Variants in ADAP1 observed in about 807,000 individuals in gnomAD.
The protein encoded by ADAP1 is arf-GAP with dual PH domain-containing protein 1.
ADAP1 carries 31 observed loss-of-function variants against 54.9 expected under a neutral mutation model. The observed-to-expected ratio is 0.56, with a 90% CI of 0.42 to 0.76. The LOEUF (loss-of-function observed/expected upper bound fraction) is 0.76, where lower values mean the gene tolerates loss of function less well. Ranked by LOEUF, ADAP1 falls within the 30% of genes least tolerant of loss-of-function variation. ADAP1 has a pLI of 0.00. For synonymous variants in ADAP1, 313 were observed against 202.6 expected, an observed-to-expected ratio of 1.55 and a Z score of -4.63; for missense variants, 535 against 512.4, an observed-to-expected ratio of 1.04 and a Z score of -0.42.
intron 3 of ADAP1, among the ~76,000 whole-genome samples, chr7:923,811 C>A (rs1846273468): frequency 6.6e-6 from 1 of 152,210 alleles, no homozygotes; most frequent in Non-Finnish European, 1.5e-5. Context: ...CAGAGCTTTC[C>A]CCTGAAGACC....
chr7:905,734 AGGG>A (rs1845210696), intron 4 of ADAP1: 2 of 35,928 alleles, frequency 5.6e-5, no homozygotes, highest in African/African-American at 2.0e-4. Context: ...GAAAGGAGAA[AGGG>A]AAAGGAGAAG....
intron 4 of ADAP1, among the ~76,000 whole-genome samples, chr7:919,186 C>T (rs1365644710): frequency 4.6e-5 from 4 of 87,050 alleles, no homozygotes; most frequent in Admixed American, 1.3e-4. Context: ...GGCCGCAGGC[C>T]GGGGCCGCAC....
At chr7:905,912 A>AGAAGGGAG (rs1562913229) in intron 4 of ADAP1, among the ~76,000 whole-genome samples, 1 of 3,540 alleles carries the variant, frequency 2.8e-4, no homozygotes, top group Admixed American at 1.6e-3. Flanking sequence ...GGAGAAAGGG[A>AGAAGGGAG]AAGGAGAAAG....
chr7:943,916 A>G (rs1347846276), intron 1 of ADAP1, among the ~76,000 whole-genome samples: 2 of 151,674 alleles, frequency 1.3e-5, no homozygotes, highest in Non-Finnish European at 2.9e-5. Context: ...CAGAATTATT[A>G]CTATTATTAT....
At chr7:949,645 C>T (rs1205697134) in intron 1 of ADAP1, among the ~76,000 whole-genome samples, 1 of 152,244 alleles carries the variant, frequency 6.6e-6, no homozygotes, top group African/African-American at 2.4e-5. Flanking sequence ...CACACCACAG[C>T]TCCGGTGCAT....
intron 5 of ADAP1, among the ~76,000 whole-genome samples, chr7:904,588 GC>G (rs1845001163): frequency 6.6e-6 from 1 of 152,148 alleles, no homozygotes; most frequent in African/African-American, 2.4e-5. Flanking sequence ...CCAGCCACCA[GC>G]CCACCTCCAG....
intron 1 of ADAP1, among the ~76,000 whole-genome samples, chr7:947,295 G>C (rs62433089): frequency 1.7e-4 from 25 of 146,004 alleles, no homozygotes; most frequent in African/African-American, 6.1e-4. Flanking sequence ...GGGCTCAAGC[G>C]ATCCTCCCAC....
rs1370136774 is a variant in ADAP1, at chr7:945,608, CCT to C, written c.82+8786_82+8787del. ...CTGATGTGGTGGTGGAGATGGAGGC[CCT>C]GAGTGCCAGGTAGGGAGGGGCAGGC... On this transcript the variant is annotated intron_variant, in intron 1 of 10. Transcript: ENST00000265846. The surrounding 1 kb of genome is among the most constrained non-coding windows in gnomAD (Gnocchi z 4.2). Among the ~76,000 whole-genome samples the C allele has an allele frequency of 6.6e-6, 1 of 152,182 alleles. No individual in the cohort carries two copies. The highest frequency in any genetic ancestry group is 1.5e-5 in the Non-Finnish European group (1 of 68,018).
rs117766377 is a variant in ADAP1 at position 913,033 on chromosome 7, C to T, written c.388+6935G>A. Among the ~76,000 whole-genome samples, 701 of 151,682 alleles carry T rather than the reference C, an allele frequency of 4.6e-3. 4 individuals carry two copies. Among genetic ancestry groups the T allele is most frequent in the Non-Finnish European group, 7.1e-3 (480 of 67,904 alleles). Reference sequence around the variant, plus strand: ...CTAATTATTAAACTTTGTCTTGAGACGGAGTCTCCCCACGTTGCCCAGGCT... The same window carrying T: ...CTAATTATTAAACTTTGTCTTGAGATGGAGTCTCCCCACGTTGCCCAGGCT... On this transcript the variant is annotated intron_variant, in intron 4 of 10. Transcript: ENST00000265846.
In ADAP1 at chr7:899,363, T is replaced by C; in HGVS notation, c.867+56A>G. 8.1e-6 allele frequency: 13 copies of C among 1,608,048 alleles called. 1 individual carries two copies. The South Asian group carries it at 1.4e-4, about 18-fold the overall frequency. On this transcript the variant is annotated intron_variant, in intron 9 of 10. Transcript: ENST00000265846. ...CCACCCGCCCTCCTGGTCACGCATC[T>C]GGCAACCCCAGCCAGTGAGCTGCCC...
At position 945,779 on chromosome 7, in the gene ADAP1, G is replaced by A. The variant is rs925552300; in HGVS notation, c.82+8617C>T. ...TGCCCTACCTGCTCCCAGGACGCCC[G>A]AGGTGACTCAGCCGCTCACCATTTC... On this transcript the variant is annotated intron_variant, in intron 1 of 10. Coordinates refer to ENST00000265846, the MANE Select transcript of ADAP1 (RefSeq NM_006869.4). This position sits in a 1 kb window ranked among gnomAD's most constrained non-coding sequence, Gnocchi z 4.2. The A allele has an allele frequency of 8.1e-6, 8 of 985,552 alleles. No homozygotes were observed. Among genetic ancestry groups the A allele is most frequent in the South Asian group, 4.7e-5 (1 of 21,296 alleles). The allele number at this position is 985,552 out of a possible 1,614,324, so 61.1% of individuals were successfully genotyped here. A position where few individuals can be genotyped will look rare whatever the true frequency, so the allele number is the denominator to read the frequency against.
intron 8 of ADAP1, among the ~76,000 whole-genome samples, 156 bp from the exon 9 acceptor site, chr7:899,646 C>T (rs368651022): frequency 3.3e-5 from 5 of 152,196 alleles, no homozygotes; most frequent in East Asian, 1.9e-4. Flanking sequence ...ACGAGGCCTC[C>T]GCACACGCCT....
chr7:919,882 G>GGGGA (rs1466312481), intron 4 of ADAP1, 86 bp downstream of exon 4: 1 of 806,438 alleles, frequency 1.2e-6, no homozygotes, highest in Non-Finnish European at 1.9e-6. Context: ...GAAAGAGATG[G>GGGGA]GGGAGGGAGG....
intron 1 of ADAP1, among the ~76,000 whole-genome samples, chr7:939,201 G>A (rs954388506): frequency 6.6e-6 from 1 of 152,104 alleles, no homozygotes; most frequent in Non-Finnish European, 1.5e-5. Flanking sequence ...AGACTCTACG[G>A]CCCTAAAATA....
intron 1 of ADAP1, among the ~76,000 whole-genome samples, chr7:943,676 AAGAG>A (rs775487987): frequency 2.9e-4 from 4 of 13,766 alleles, no homozygotes; most frequent in African/African-American, 6.9e-4. Flanking sequence ...GAGGAGGAGG[AAGAG>A]AGGAGGAGGA....
intron 4 of ADAP1, chr7:905,585 A>AGAAGGGAGAAG (rs1845176267): frequency 1.7e-5 from 2 of 120,650 alleles, no homozygotes; most frequent in Non-Finnish European, 3.2e-5. Context: ...GAAAGGAGAA[A>AGAAGGGAGAAG]GGAGAAAGGA....
chr7:905,310 G>GGAC (rs1429717769), intron 4 of ADAP1, 138 bp from the exon 5 acceptor site: 12,733 of 332,980 alleles, frequency 0.038, 1,366 homozygotes, highest in African/African-American at 0.079. Flanking sequence ...GGGGGAGACG[G>GGAC]ACGGGGAGAG....
In ADAP1 at chr7:938,551, G is replaced by A. The variant is rs375986169; in HGVS notation, c.83-3046C>T. Among the ~76,000 whole-genome samples, 3 of 152,164 alleles carry A rather than the reference G, an allele frequency of 2.0e-5. No individual in the cohort carries two copies. Among genetic ancestry groups the A allele is most frequent in the African/African-American group, 7.2e-5 (3 of 41,434 alleles). ...AGAACCACACTGAAGTCCCAGAAGA[G>A]AGAGACCTGACTCCCCCCGGGCTCC... On this transcript the variant is annotated intron_variant, in intron 1 of 10. Coordinates refer to ENST00000265846, the MANE Select transcript of ADAP1 (RefSeq NM_006869.4). This position sits in a 1 kb window ranked among gnomAD's most constrained non-coding sequence, Gnocchi z 4.4.
Position 938,123 on chromosome 7 carries a change from C to A in ADAP1, c.83-2618G>T, listed in dbSNP as rs971894310. Among the ~76,000 whole-genome samples the A allele has an allele frequency of 6.6e-6, 1 of 152,132 alleles. No homozygotes were observed. Among genetic ancestry groups the A allele is most frequent in the Non-Finnish European group, 1.5e-5 (1 of 68,044 alleles). On this transcript the variant is annotated intron_variant, in intron 1 of 10. Transcript: ENST00000265846. The surrounding 1 kb of genome is among the most constrained non-coding windows in gnomAD (Gnocchi z 4.4). ...AGGGCGGCTTTTGGGAGAAAGAATG[C>A]GGTTACAGGATCAGCCGTTGTTTGG...
Sources: allele counts gnomAD v4.1 joint callset (sites outside exome capture counted in the v4.1 genomes callset), GRCh38; gene constraint gnomAD v4.1.1; non-coding constraint Gnocchi (gnomAD v3.1); transcripts MANE v1.5; gene names NCBI Gene and HGNC (gene_info 2026-07-23, HGNC 2026-07-21).